MAGEA11: variants seen among roughly 807,000 people sequenced by gnomAD.
The protein encoded by MAGEA11 is MAGE family member A11.
Under a neutral mutation model 8.4 loss-of-function variants are expected in MAGEA11, and 1 was observed. The observed-to-expected ratio is 0.12, with a 90% confidence interval of 0.04 to 0.57. MAGEA11 has a LOEUF of 0.57. Among genes scored for constraint, MAGEA11 ranks in the 20% least tolerant of loss-of-function variants. The pLI, the probability that MAGEA11 is intolerant of heterozygous loss-of-function variation, is 0.91. For synonymous variants in MAGEA11, 127 were observed against 119.3 expected (o/e 1.06, Z -0.42); for missense variants, 209 against 317.3 (o/e 0.66, Z 2.59).
chrX:149,688,681 T>C (rs187053842), upstream of MAGEA11: 1 of 185,368 alleles, frequency 5.4e-6, no homozygotes, highest in African/African-American at 3.1e-5. Context: ...TACATATACA[T>C]ATACATATAC....
At position 149,690,865 on chromosome X, in the gene MAGEA11, C is replaced by T. The variant is rs782507798; in HGVS notation, c.9+1881C>T. Reference sequence around the variant, plus strand: ...TAAATTCATTCTAATTTTGCATTCCCGAAACAAAAGTGTTTCATCTTTATT... The same window carrying T: ...TAAATTCATTCTAATTTTGCATTCCTGAAACAAAAGTGTTTCATCTTTATT... On this transcript the variant is annotated intron_variant, in intron 1 of 3. Transcript: ENST00000333104. 1.3e-4 allele frequency among the ~76,000 whole-genome samples: 14 copies of T among 111,162 alleles called. No homozygotes were observed. In the South Asian group the frequency reaches 1.5e-3, roughly 12 times the overall value.
At chrX:149,691,640 G>T (rs1247846578) in intron 1 of MAGEA11, among the ~76,000 whole-genome samples, 6 of 111,780 alleles carry the variant, frequency 5.4e-5, no homozygotes, top group African/African-American at 2.0e-4. Flanking sequence ...GCTTTATAAA[G>T]TTTTTCACTC....
In MAGEA11 at chrX:149,699,288, A is replaced by G. The variant is rs149996430; in HGVS notation, c.9+10304A>G. Among the ~76,000 whole-genome samples the G allele has an allele frequency of 6.6e-3, 737 of 111,653 alleles. 1 individual carries two copies. The highest frequency in any genetic ancestry group is 0.014 in the Middle Eastern group (3 of 217). On this transcript the variant is annotated intron_variant, in intron 1 of 3. Coordinates refer to the MAGEA11 transcript ENST00000333104. ...ATCTCACAAAGTCTTTGCTAGTCCA[A>G]TTTGGAGCTCTGAAGCAAAGATTGC...
intron 1 of MAGEA11, among the ~76,000 whole-genome samples, chrX:149,701,921 T>C (rs1557361064): frequency 8.9e-6 from 1 of 112,032 alleles, no homozygotes; most frequent in Non-Finnish European, 1.9e-5. Context: ...GTTCCATTGA[T>C]CTATATCTCT....
In MAGEA11 at chrX:149,716,905, C is replaced by CA. The variant is rs2090429741; in HGVS notation, c.*130dup. The CA allele has an allele frequency of 1.5e-5, 9 of 599,875 alleles. No homozygotes were observed. Among genetic ancestry groups the CA allele is most frequent in the Non-Finnish European group, 2.3e-5 (9 of 387,101 alleles). The allele number at this position is 599,875 out of a possible 1,213,427, so 49.4% of individuals were successfully genotyped here. On this transcript the variant is annotated 3_prime_UTR_variant, in exon 5 of 5. Transcript: ENST00000355220. ...TCCCTCTGTGTTTGATGAGAGAAGTCAGTGTTCTCAGTAGTAGAAGGCACA... is the reference window on the plus strand; with the variant it reads ...TCCCTCTGTGTTTGATGAGAGAAGTCAAGTGTTCTCAGTAGTAGAAGGCACA...
intron 1 of MAGEA11, among the ~76,000 whole-genome samples, chrX:149,693,110 T>A (rs1291394882): frequency 2.7e-5 from 3 of 112,466 alleles, no homozygotes; most frequent in Non-Finnish European, 3.8e-5. Context: ...TAGTCAGCAG[T>A]TAGGTCATTT....
intron 1 of MAGEA11, among the ~76,000 whole-genome samples, chrX:149,689,241 G>GGAAA (rs1259626198): frequency 9.0e-6 from 1 of 110,903 alleles, no homozygotes; most frequent in Non-Finnish European, 1.9e-5. Flanking sequence ...GAGGGTAGAT[G>GGAAA]GAAAACCCAT....
chrX:149,689,125 C>T (rs1487111637), intron 1 of MAGEA11: 11 of 501,816 alleles, frequency 2.2e-5, no homozygotes, highest in South Asian at 1.0e-4. Flanking sequence ...ATGGTTTCTG[C>T]GTCCTTGTCA....
intron 1 of MAGEA11, among the ~76,000 whole-genome samples, chrX:149,692,791 A>G (rs2090315811): frequency 8.9e-6 from 1 of 111,992 alleles, no homozygotes; most frequent in Non-Finnish European, 1.9e-5. Context: ...GAGGTAATCA[A>G]ATCATAAGGG....
In MAGEA11 at chrX:149,706,567, G is replaced by A. The variant is rs148478793; in HGVS notation, c.10-7914G>A. ...CCAACCCCTAGGAAACTCACCAAAT[G>A]GCTACCTCATCTTCTGCCAGTTCTA... On this transcript the variant is annotated intron_variant, in intron 1 of 3. Coordinates refer to the MAGEA11 transcript ENST00000333104. 3.6e-5 allele frequency among the ~76,000 whole-genome samples: 4 copies of A among 112,548 alleles called. No homozygotes were observed. The East Asian group carries it at 1.1e-3, about 31-fold the overall frequency.
At chrX:149,697,177 T>C (rs1569561340) in intron 1 of MAGEA11, among the ~76,000 whole-genome samples, 1 of 110,494 alleles carries the variant, frequency 9.1e-6, no homozygotes, top group African/African-American at 3.3e-5. Flanking sequence ...CCACACCCCT[T>C]GACCCTGTGC....
intron 1 of MAGEA11, among the ~76,000 whole-genome samples, chrX:149,696,437 G>T (rs1358872016): frequency 9.0e-6 from 1 of 110,871 alleles, no homozygotes; most frequent in Non-Finnish European, 1.9e-5. Flanking sequence ...TTGTGTGTAG[G>T]AAAGTATCTG....
chrX:149,695,588 A>T (rs1454520356), intron 1 of MAGEA11, among the ~76,000 whole-genome samples: 1 of 111,985 alleles, frequency 8.9e-6, no homozygotes, highest in Non-Finnish European at 1.9e-5. Context: ...TGAGCAAAGA[A>T]TATGAACAGA....
Position 149,716,394 on chromosome X carries a change from A to G in MAGEA11, c.908A>G (p.Gln303Arg), listed in dbSNP as rs1557362516. 1 of 1,211,870 alleles carries G rather than the reference A, an allele frequency of 8.3e-7. No individual in the cohort carries two copies. Reference protein sequence around the residue: ...TSLNLSYDGIQCNEQSMPKSG... With the variant: ...TSLNLSYDGIRCNEQSMPKSG... Reference sequence around the variant, plus strand: ...CTCAACCTCTCTTATGATGGCATACAGTGTAATGAGCAGAGCATGCCCAAG... The same window carrying G: ...CTCAACCTCTCTTATGATGGCATACGGTGTAATGAGCAGAGCATGCCCAAG... Residue 303 changes from glutamine (Q) to arginine (R), a missense_variant, in exon 5 of 5, where the codon CAG becomes CGG. By Grantham distance (43) the Gln-to-Arg change is conservative. Transcript: ENST00000355220.
At chrX:149,713,067 CTG>C in intron 1 of MAGEA11, 74 bp from the exon 2 acceptor site, 1 of 623,320 alleles carries the variant, frequency 1.6e-6, no homozygotes, top group Non-Finnish European at 2.6e-6. Flanking sequence ...TGAGGGACAA[CTG>C]AAGGGACCCA....
Position 149,716,344 on chromosome X carries a change from C to T in MAGEA11, c.858C>T (p.Ser286=), listed in dbSNP as rs990700765. The T allele has an allele frequency of 4.1e-6, 5 of 1,209,661 alleles. No individual in the cohort carries two copies. Among genetic ancestry groups the T allele is most frequent in the Non-Finnish European group, 5.6e-6 (5 of 895,019 alleles). Residue 286 remains serine, a synonymous_variant, in exon 5 of 5, where the codon AGC becomes AGT. Transcript: ENST00000355220. ...GIDVKEVDPT[S]HSYVLVTSLN... ...ATGTGAAGGAAGTGGACCCCACTAG[C>T]CACTCCTATGTCCTTGTCACCTCCC...
chrX:149,698,882 T>G (rs2090340620), intron 1 of MAGEA11, among the ~76,000 whole-genome samples: 1 of 111,742 alleles, frequency 8.9e-6, no homozygotes. Flanking sequence ...GTTCCTGCAT[T>G]AGTTTGCTGA....
chrX:149,695,922 C>G (rs2090328796), intron 1 of MAGEA11, among the ~76,000 whole-genome samples: 1 of 111,829 alleles, frequency 8.9e-6, no homozygotes, highest in Non-Finnish European at 1.9e-5. Context: ...TTCCACCTGA[C>G]TAATGAACAG....
chrX:149,700,848 G>C (rs1316419266), intron 1 of MAGEA11, among the ~76,000 whole-genome samples: 2 of 101,953 alleles, frequency 2.0e-5, no homozygotes, highest in African/African-American at 7.2e-5. Context: ...AGTTTACTGA[G>C]AATGATGATT....
Sources: gnomAD v4.1 joint callset for allele counts (sites outside exome capture counted in the v4.1 genomes callset) on GRCh38, gnomAD v4.1.1 for gene constraint, MANE v1.5 for transcripts, NCBI Gene and HGNC (gene_info 2026-07-23, HGNC 2026-07-21) for gene names.